Variants in RASA1 observed in about 807,000 individuals in gnomAD.
RASA1 encodes the protein RAS p21 protein activator 1, also known as ras GTPase-activating protein 1.
A neutral mutation model predicts 132.2 loss-of-function variants in RASA1; 25 were observed. That is an observed-to-expected ratio of 0.19 (90% confidence interval 0.14 to 0.26). The LOEUF (loss-of-function observed/expected upper bound fraction) is 0.26, where lower values mean the gene tolerates loss of function less well. RASA1 is among the 10% of genes least tolerant of loss of function. The pLI, the probability that RASA1 is intolerant of heterozygous loss-of-function variation, is 1.00. For missense variants in RASA1, 964 were observed against 1,299.2 expected, an observed-to-expected ratio of 0.74 and a Z score of 3.97; for synonymous variants, 477 against 449.9, an observed-to-expected ratio of 1.06 and a Z score of -0.76.
rs756457101 is a variant in RASA1 at position 87,338,066 on chromosome 5, T to C, written c.992T>C (p.Ile331Thr). 4 of 1,612,164 alleles carry C rather than the reference T, an allele frequency of 2.5e-6. No homozygotes were observed. The highest frequency in any genetic ancestry group is 1.6e-4 in the Middle Eastern group (1 of 6,068). Residue 331 changes from isoleucine to threonine, a missense_variant, in exon 5 of 25, where the codon ATT becomes ACT. Ile to Thr is a moderately conservative substitution (Grantham distance 89). Coordinates refer to ENST00000274376, the MANE Select transcript of RASA1 (RefSeq NM_002890.3). ...TNLRTDEQGL[I>T]VEDLVEEVGR... is the part of the protein sequence containing the mutation. ...TTAAGAACAGATGAACAAGGCCTTATTGTTGAAGACCTAGTAGAAGAGGTG... is the reference window on the plus strand; with the variant it reads ...TTAAGAACAGATGAACAAGGCCTTACTGTTGAAGACCTAGTAGAAGAGGTG...
chr5:87,284,443 A>T (rs1754454983), intron 1 of RASA1, among the ~76,000 whole-genome samples: 1 of 152,198 alleles, frequency 6.6e-6, no homozygotes. Context: ...AGAAATTATT[A>T]TTAATCACTG....
intron 2 of RASA1, 122 bp downstream of exon 2, chr5:87,331,622 T>G: frequency 9.1e-7 from 1 of 1,097,848 alleles, no homozygotes; most frequent in Non-Finnish European, 1.3e-6. Context: ...GAAGCTTGTT[T>G]TCAGTCAAAT....
At chr5:87,379,604 G>GA in intron 18 of RASA1, 131 bp from the exon 19 acceptor site, 7 of 1,282,602 alleles carry the variant, frequency 5.5e-6, no homozygotes, top group Non-Finnish European at 7.3e-6. Flanking sequence ...ATTATACAAA[G>GA]AAAAAAGATC....
In RASA1 at chr5:87,288,795, G is replaced by A. The variant is rs11953080; in HGVS notation, c.539+19805G>A. ...TGCAGAAAAGTTGCAAGAATACTGA[G>A]CAACTTTATATTTTGTCACATTTTA... On this transcript the variant is annotated intron_variant, in intron 1 of 24. Coordinates refer to ENST00000274376, the MANE Select transcript of RASA1 (RefSeq NM_002890.3). Among the ~76,000 whole-genome samples, 1,143 of 152,204 alleles carry A rather than the reference G, an allele frequency of 7.5e-3. 17 individuals are homozygous for A. The highest frequency in any genetic ancestry group is 0.027 in the African/African-American group (1,107 of 41,538).
intron 7 of RASA1, among the ~76,000 whole-genome samples, chr5:87,348,591 C>A (rs989774342): frequency 6.6e-6 from 1 of 151,468 alleles, no homozygotes; most frequent in Non-Finnish European, 1.5e-5. Context: ...TTTGAATCTA[C>A]CTTTATAAAA....
chr5:87,338,799 A>G (rs1012250755), intron 5 of RASA1, among the ~76,000 whole-genome samples: 4 of 151,794 alleles, frequency 2.6e-5, no homozygotes, highest in Admixed American at 2.0e-4. Flanking sequence ...TCTTTCAAAT[A>G]TATATATAAT....
rs749550641 is a variant in RASA1 at position 87,376,552 on chromosome 5, G to A, written c.2171G>A (p.Ser724Asn). Residue 724 changes from serine (S) to asparagine (N), a missense_variant, in exon 16 of 25, where the codon AGT becomes AAT. Physicochemically the swap from Ser to Asn is conservative, Grantham distance 46. Transcript: ENST00000274376. The stretch of plus-strand genomic sequence containing the variant: ...AAAATCATGCCAGAAGAAGAGTACA[G>A]TGAATTTAAAGAGGTATTAAATTAT... ...MEKIMPEEEY[S>N]EFKELILQKE... 3 of 1,613,628 alleles carry A rather than the reference G, an allele frequency of 1.9e-6. No individual in the cohort carries two copies. The highest frequency in any genetic ancestry group is 2.7e-5 in the African/African-American group (2 of 74,904).
In RASA1 at chr5:87,349,273, C is replaced by G; in HGVS notation, c.1162C>G (p.Leu388Val). The G allele has an allele frequency of 3.1e-6, 5 of 1,612,138 alleles. No individual in the cohort carries two copies. The highest frequency in any genetic ancestry group is 4.2e-6 in the Non-Finnish European group (5 of 1,178,776). Residue 388 changes from leucine (L) to valine (V), a missense_variant, in exon 8 of 25, where the codon CTT becomes GTT. Physicochemically the swap from Leu to Val is conservative, Grantham distance 32. Coordinates refer to ENST00000274376, the MANE Select transcript of RASA1 (RefSeq NM_002890.3). The stretch of plus-strand genomic sequence containing the variant: ...AGATAATACTCCTGGCGATTATTCA[C>G]TTTATTTCCGGACCAATGAAAATAT... Reference protein sequence around the residue: ...PSDNTPGDYSLYFRTNENIQR... With the variant: ...PSDNTPGDYSVYFRTNENIQR...
intron 1 of RASA1, among the ~76,000 whole-genome samples, chr5:87,283,571 A>C (rs1754415417): frequency 6.6e-6 from 1 of 152,052 alleles, no homozygotes; most frequent in Non-Finnish European, 1.5e-5. Context: ...ATCACTGTTA[A>C]GTTTTTGTAT....
chr5:87,311,121 G>A (rs981866265), intron 1 of RASA1, among the ~76,000 whole-genome samples: 5 of 152,114 alleles, frequency 3.3e-5, no homozygotes, highest in African/African-American at 1.2e-4. Flanking sequence ...TTATTGAGTC[G>A]ATATCTGAAC....
At chr5:87,342,712 T>C (rs1289198413) in intron 6 of RASA1, among the ~76,000 whole-genome samples, 1 of 152,198 alleles carries the variant, frequency 6.6e-6, no homozygotes, top group East Asian at 1.9e-4. Flanking sequence ...AGTAGAAAAC[T>C]AGAAAGTGTT....
intron 6 of RASA1, among the ~76,000 whole-genome samples, chr5:87,343,852 T>C (rs955347602): frequency 4.6e-5 from 7 of 152,154 alleles, no homozygotes; most frequent in African/African-American, 1.7e-4. Context: ...AAAGAAAATA[T>C]AGTACATATA....
chr5:87,281,508 A>G (rs1754316610), intron 1 of RASA1, among the ~76,000 whole-genome samples: 1 of 152,078 alleles, frequency 6.6e-6, no homozygotes, highest in Non-Finnish European at 1.5e-5. Context: ...GCTGTTGAGC[A>G]TCTTTTCATG....
At chr5:87,333,480 TC>T in intron 4 of RASA1, 143 bp downstream of exon 4, 2 of 1,325,964 alleles carry the variant, frequency 1.5e-6, no homozygotes, top group Non-Finnish European at 2.0e-6. Flanking sequence ...GGTCTGTTGG[TC>T]CTGTATCTCT....
intron 1 of RASA1, among the ~76,000 whole-genome samples, chr5:87,307,810 T>G (rs770465272): frequency 5.3e-5 from 8 of 152,222 alleles, no homozygotes; most frequent in African/African-American, 7.2e-5. Flanking sequence ...CTTGTTTGTC[T>G]TCTTGTATAC....
chr5:87,355,012 C>T (rs1460323200), intron 9 of RASA1, among the ~76,000 whole-genome samples: 1 of 152,050 alleles, frequency 6.6e-6, no homozygotes, highest in African/African-American at 2.4e-5. Context: ...TGGAAGCTAC[C>T]AGAGATTGAT....
intron 9 of RASA1, among the ~76,000 whole-genome samples, chr5:87,353,584 A>G (rs1759437145): frequency 6.6e-6 from 1 of 152,098 alleles, no homozygotes; most frequent in Non-Finnish European, 1.5e-5. Flanking sequence ...AATAAAAAAT[A>G]CTGATAGAAG....
chr5:87,287,093 TACAC>T (rs1754623791), intron 1 of RASA1, among the ~76,000 whole-genome samples: 2 of 145,672 alleles, frequency 1.4e-5, no homozygotes, highest in South Asian at 2.2e-4. Flanking sequence ...ACCATATATA[TACAC>T]ACCATATATA....
chr5:87,331,682 T>G (rs1250633984), intron 2 of RASA1, among the ~76,000 whole-genome samples, 182 bp downstream of exon 2: 1 of 152,210 alleles, frequency 6.6e-6, no homozygotes, highest in African/African-American at 2.4e-5. Flanking sequence ...ACATTTTTTG[T>G]TTAAAAACAA....
Sources: allele counts gnomAD v4.1 joint callset (sites outside exome capture counted in the v4.1 genomes callset), GRCh38; gene constraint gnomAD v4.1.1; transcripts MANE v1.5; gene names NCBI Gene and HGNC (gene_info 2026-07-23, HGNC 2026-07-21).